APP: variants seen among roughly 807,000 people sequenced by gnomAD.
APP encodes amyloid-beta precursor protein.
In APP, 31 loss-of-function variants were observed where a neutral mutation model predicts 101.4. The observed-to-expected ratio is 0.31, with a 90% confidence interval of 0.23 to 0.41. APP has a LOEUF of 0.41. APP is among the 10% of genes least tolerant of loss of function. The pLI is 1.00. For synonymous variants in APP, 366 were observed against 364.4 expected, an observed-to-expected ratio of 1.00 and a Z score of -0.05; for missense variants, 839 against 1,003.7, an observed-to-expected ratio of 0.84 and a Z score of 2.22.
In APP at chr21:26,043,222, GTTTTT is replaced by G. The variant is rs144155821; in HGVS notation, c.662+7773_662+7777del. ...TGCATGTCTAGAATGATATTCCTTA[GTTTTT>G]CTTTTCTTTTCTTTTCTTTTTTTTT... On this transcript the variant is annotated intron_variant, in intron 5 of 17. Transcript: ENST00000346798. Among the ~76,000 whole-genome samples the G allele has an allele frequency of 7.8e-3, 1,171 of 150,148 alleles. 12 individuals are homozygous for G. The highest frequency in any genetic ancestry group is 0.028 in the African/African-American group (1,113 of 40,218).
At chr21:25,893,206 G>C (rs973658105) in intron 16 of APP, among the ~76,000 whole-genome samples, 1 of 152,164 alleles carries the variant, frequency 6.6e-6, no homozygotes, top group African/African-American at 2.4e-5. Flanking sequence ...AATGTTGTGT[G>C]TGTTCTGTCT....
Position 26,097,459 on chromosome 21 carries a change from A to C in APP, c.226-7387T>G, listed in dbSNP as rs912539091. On this transcript the variant is annotated intron_variant, in intron 2 of 17. Coordinates refer to ENST00000346798, the MANE Select transcript of APP (RefSeq NM_000484.4). ...ATACATTAAGTTCCCTTTGGGTATTATAAACCTATCTCTTAAATAAGATAT... is the reference window on the plus strand; with the variant it reads ...ATACATTAAGTTCCCTTTGGGTATTCTAAACCTATCTCTTAAATAAGATAT... 3.9e-5 allele frequency among the ~76,000 whole-genome samples: 6 copies of C among 152,328 alleles called. No homozygotes were observed. The South Asian group carries it at 6.2e-4, about 16-fold the overall frequency.
chr21:25,989,059 G>T (rs1373483338), intron 8 of APP, among the ~76,000 whole-genome samples: 2 of 152,126 alleles, frequency 1.3e-5, no homozygotes, highest in African/African-American at 4.8e-5. Context: ...TGCACCCAAC[G>T]TTCCTATCAC....
At chr21:26,159,492 TCCAAATATTCAG>T (rs1411882473) in intron 1 of APP, among the ~76,000 whole-genome samples, 1 of 152,136 alleles carries the variant, frequency 6.6e-6, no homozygotes, top group East Asian at 1.9e-4. Flanking sequence ...GAATGCACAA[TCCAAATATTCAG>T]CTAAACATTC....
chr21:26,040,643 C>A (rs1601297011), intron 5 of APP, among the ~76,000 whole-genome samples: 1 of 150,342 alleles, frequency 6.7e-6, no homozygotes, highest in East Asian at 1.9e-4. Flanking sequence ...GAAGCAGGCA[C>A]CTGTAATCCT....
chr21:26,038,641 G>A (rs1051415106), intron 5 of APP, among the ~76,000 whole-genome samples: 9 of 152,116 alleles, frequency 5.9e-5, no homozygotes, highest in South Asian at 2.1e-4. Flanking sequence ...GCAGGCACCC[G>A]TAATCCCAGC....
At chr21:25,993,531 A>G (rs770630303) in intron 8 of APP, among the ~76,000 whole-genome samples, 4 of 152,218 alleles carry the variant, frequency 2.6e-5, no homozygotes, top group Non-Finnish European at 5.9e-5. Flanking sequence ...CTTCAATACT[A>G]TAGTCAGGAC....
At chr21:26,144,993 C>T (rs2063125567) in intron 1 of APP, among the ~76,000 whole-genome samples, 1 of 152,146 alleles carries the variant, frequency 6.6e-6, no homozygotes, top group Non-Finnish European at 1.5e-5. Context: ...TACAATAAAA[C>T]GTTCTTTTCA....
intron 6 of APP, among the ~76,000 whole-genome samples, chr21:26,016,598 G>A (rs184043667): frequency 2.0e-5 from 3 of 152,102 alleles, no homozygotes; most frequent in East Asian, 3.9e-4. Flanking sequence ...TTGAGACGAA[G>A]TTTCGCTCTG....
intron 1 of APP, chr21:26,140,201 C>T (rs1292795874): frequency 5.9e-6 from 9 of 1,536,156 alleles, no homozygotes; most frequent in Non-Finnish European, 7.8e-6. Context: ...CCATTTGAAT[C>T]TGGGGAAGAG....
chr21:25,980,672 C>CA (rs66525910), intron 9 of APP, among the ~76,000 whole-genome samples: 113,738 of 141,826 alleles, frequency 0.8, 42,967 homozygotes, highest in Middle Eastern at 0.86. Context: ...AACAAACAAA[C>CA]AAAAAACAAA....
At chr21:25,917,995 C>G (rs2039437141) in intron 13 of APP, among the ~76,000 whole-genome samples, 1 of 151,642 alleles carries the variant, frequency 6.6e-6, no homozygotes, top group Admixed American at 6.6e-5. Flanking sequence ...CCATCTCACA[C>G]CAGTTGGGAT....
chr21:26,017,912 A>C lies in APP; in HGVS notation c.865+3928T>G, dbSNP rs571630303. Among the ~76,000 whole-genome samples the C allele has an allele frequency of 1.3e-3, 193 of 152,340 alleles. 2 individuals carry two copies. The highest frequency in any genetic ancestry group is 1.9e-3 in the South Asian group (9 of 4,826). On this transcript the variant is annotated intron_variant, in intron 6 of 17. Coordinates refer to ENST00000346798, the MANE Select transcript of APP (RefSeq NM_000484.4). ...CAACCAAAGATGACAATAAGCCCCC[A>C]AAACCAGATAGATCTTGCAATCGTG... is the stretch of plus-strand genomic sequence containing the variant.
intron 11 of APP, among the ~76,000 whole-genome samples, chr21:25,960,184 C>G (rs546560986): frequency 1.4e-3 from 114 of 83,274 alleles, no homozygotes; most frequent in African/African-American, 5.2e-3. Flanking sequence ...CATCTCATGA[C>G]AGAAGTGATT....
At chr21:26,045,102 A>G (rs983080787) in intron 5 of APP, among the ~76,000 whole-genome samples, 4 of 152,180 alleles carry the variant, frequency 2.6e-5, no homozygotes, top group Non-Finnish European at 4.4e-5. Context: ...GATAATGCAG[A>G]AAAAAAGGGG....
intron 9 of APP, among the ~76,000 whole-genome samples, chr21:25,977,200 A>C (rs544697598): frequency 6.6e-6 from 1 of 152,360 alleles, no homozygotes; most frequent in South Asian, 2.1e-4. Flanking sequence ...TGATACAAAA[A>C]GTAAAAGTCT....
At chr21:26,084,748 TTA>T (rs1175971853) in intron 3 of APP, among the ~76,000 whole-genome samples, 1 of 152,208 alleles carries the variant, frequency 6.6e-6, no homozygotes, top group Admixed American at 6.5e-5. Context: ...TCAGTGATGA[TTA>T]ATGCTGCTTA....
chr21:25,884,796 T>G (rs919915343), intron 17 of APP, among the ~76,000 whole-genome samples: 1 of 152,212 alleles, frequency 6.6e-6, no homozygotes, highest in Non-Finnish European at 1.5e-5. Context: ...TATTATACTT[T>G]TATTTCTTCC....
chr21:26,106,750 T>A (rs2062191383), intron 2 of APP, among the ~76,000 whole-genome samples: 1 of 152,194 alleles, frequency 6.6e-6, no homozygotes, highest in Non-Finnish European at 1.5e-5. Context: ...CATTTAAAAA[T>A]CAAAATCACA....
Sources: allele counts gnomAD v4.1 joint callset (sites outside exome capture counted in the v4.1 genomes callset), GRCh38; gene constraint gnomAD v4.1.1; transcripts MANE v1.5; gene names NCBI Gene and HGNC (gene_info 2026-07-23, HGNC 2026-07-21).